Variants in CACNA1C observed in about 807,000 individuals in gnomAD.
The protein encoded by CACNA1C is voltage-dependent L-type calcium channel subunit alpha-1C.
In CACNA1C, 30 loss-of-function variants were observed where a neutral mutation model predicts 229.0. That is an observed-to-expected ratio of 0.13 (90% CI 0.10 to 0.18). CACNA1C has a LOEUF of 0.18. Among genes scored for constraint, CACNA1C ranks in the 10% least tolerant of loss-of-function variants. CACNA1C has a pLI of 1.00. For synonymous variants in CACNA1C, 1,114 were observed against 1,132.5 expected (o/e 0.98, Z 0.33); for missense variants, 1,658 against 2,845.0 (o/e 0.58, Z 9.49).
intron 9 of CACNA1C, among the ~76,000 whole-genome samples, chr12:2,540,595 A>G (rs2099867381): frequency 1.3e-5 from 2 of 152,290 alleles, no homozygotes; most frequent in South Asian, 4.1e-4. Context: ...CAGCACACAC[A>G]GGGCACGGCA....
intron 3 of CACNA1C, among the ~76,000 whole-genome samples, chr12:2,231,349 C>T (rs2065065412): frequency 6.6e-6 from 1 of 152,184 alleles, no homozygotes. Context: ...TCACTTAAGC[C>T]ATTCCGTTCT....
At position 2,668,983 on chromosome 12, in the gene CACNA1C, C is replaced by T; in HGVS notation, c.4674C>T (p.Phe1558=). Residue 1558 remains phenylalanine (F), a synonymous_variant, in exon 38 of 47, where the codon TTC becomes TTT. Transcript: ENST00000399655. ...MPLNSDGTVM[F]NATLFALVRT... ...TGAACAGCGACGGGACAGTCATGTT[C>T]AATGCCACCCTGTTTGCCCTGGTCA... is the stretch of plus-strand genomic sequence containing the variant. 1 of 1,614,138 alleles carries T rather than the reference C, an allele frequency of 6.2e-7. No homozygotes were observed. Among genetic ancestry groups the T allele is most frequent in the Non-Finnish European group, 8.5e-7 (1 of 1,180,002 alleles).
upstream of CACNA1C, chr12:2,049,168 T>C (rs2051642513): frequency 6.6e-6 from 1 of 152,266 alleles, no homozygotes; most frequent in Non-Finnish European, 1.5e-5. Flanking sequence ...AGTTCATCTA[T>C]GCGGTGGTTA....
chr12:2,423,438 A>G (rs1335245812), intron 3 of CACNA1C, among the ~76,000 whole-genome samples: 2 of 152,166 alleles, frequency 1.3e-5, no homozygotes, highest in Non-Finnish European at 2.9e-5. Context: ...TTAATCTCTC[A>G]GTGTCTCAGT....
intron 9 of CACNA1C, among the ~76,000 whole-genome samples, chr12:2,517,248 C>A (rs935673260): frequency 6.6e-6 from 1 of 152,236 alleles, no homozygotes; most frequent in Non-Finnish European, 1.5e-5. Context: ...CGTTGCTCTG[C>A]AGGCTTCTTG....
intron 1 of CACNA1C, among the ~76,000 whole-genome samples, chr12:1,976,847 A>AGAGG (rs1249213701): frequency 4.7e-5 from 6 of 128,784 alleles, no homozygotes; most frequent in Non-Finnish European, 9.8e-5. Flanking sequence ...GGAAAGGGGG[A>AGAGG]GAGGGAGGGA....
chr12:2,174,762 G>A (rs993207811), intron 3 of CACNA1C, among the ~76,000 whole-genome samples: 9 of 152,138 alleles, frequency 5.9e-5, no homozygotes, highest in Admixed American at 4.6e-4. Flanking sequence ...ATAAACAGTC[G>A]ATGAACACAT....
At position 2,608,105 on chromosome 12, in the gene CACNA1C, T is replaced by G; in HGVS notation, c.3357-406T>G. On this transcript the variant is annotated intron_variant, in intron 26 of 46. Coordinates refer to ENST00000399655, the MANE Select transcript of CACNA1C (RefSeq NM_000719.7). This position sits in a 1 kb window ranked among gnomAD's most constrained non-coding sequence, Gnocchi z 4.2. ...AAGTGGATATTTGCTCTCGGAGAGA[T>G]TTATTTTACATTCCTTCTAACATTC... 1 of 162,500 alleles carries G rather than the reference T, an allele frequency of 6.2e-6. No homozygotes were observed. Among genetic ancestry groups the G allele is most frequent in the Non-Finnish European group, 1.3e-5 (1 of 74,740 alleles). The allele number at this position is 162,500 out of a possible 1,614,324, so 10.1% of individuals were successfully genotyped here.
chr12:2,526,968 T>C (rs11062255), intron 9 of CACNA1C, among the ~76,000 whole-genome samples: 6,822 of 152,270 alleles, frequency 0.045, 531 homozygotes, highest in African/African-American at 0.16. Context: ...GCTTTCTAAA[T>C]AGATACATTT....
At chr12:2,027,560 C>T (rs1157548050) in intron 1 of CACNA1C, among the ~76,000 whole-genome samples, 2 of 152,172 alleles carry the variant, frequency 1.3e-5, no homozygotes, top group Non-Finnish European at 2.9e-5. Flanking sequence ...AATTGTATAA[C>T]CTCTTCCAAG....
rs1247071974 is a variant in CACNA1C at position 2,605,030 on chromosome 12, TC to T, written c.2961-45del. The T allele has an allele frequency of 2.2e-6, 3 of 1,342,010 alleles. No individual in the cohort carries two copies. Among genetic ancestry groups the T allele is most frequent in the Non-Finnish European group, 3.2e-6 (3 of 932,612 alleles). 83.1% of individuals were successfully genotyped at this position (1,342,010 alleles called of 1,614,324 possible). A position where few individuals can be genotyped will look rare whatever the true frequency, so the allele number is the denominator to read the frequency against. On this transcript the variant is annotated intron_variant, in intron 22 of 46. Transcript: ENST00000399655. The surrounding 1 kb of genome is among the most constrained non-coding windows in gnomAD (Gnocchi z 6.2). The stretch of plus-strand genomic sequence containing the variant: ...CATTCCCTTACCACATTATTTTTGC[TC>T]CCCCCAGAAACAGGAGGAGCTTACT...
chr12:2,190,661 A>C (rs984215132), intron 3 of CACNA1C, among the ~76,000 whole-genome samples: 2 of 152,232 alleles, frequency 1.3e-5, no homozygotes, highest in African/African-American at 4.8e-5. Flanking sequence ...TACAGCCGGC[A>C]GGCGAGGAGG....
intron 1 of CACNA1C, among the ~76,000 whole-genome samples, chr12:2,043,022 A>G (rs1244147155): frequency 6.6e-6 from 1 of 152,216 alleles, no homozygotes; most frequent in Non-Finnish European, 1.5e-5. Context: ...CTGGATAATC[A>G]GTTGCAATAG....
At position 2,679,911 on chromosome 12, in the gene CACNA1C, G is replaced by C. The variant is rs2097043997; in HGVS notation, c.5444+115G>C. On this transcript the variant is annotated intron_variant, in intron 42 of 46. Transcript: ENST00000399655. The surrounding 1 kb of genome is among the most constrained non-coding windows in gnomAD (Gnocchi z 5.5). ...AGCCACTTGTCCCTCAAGCTTCCAGGAGGTTGCTGCCCCAGACTCCAGCAA... is the reference window on the plus strand; with the variant it reads ...AGCCACTTGTCCCTCAAGCTTCCAGCAGGTTGCTGCCCCAGACTCCAGCAA... 1.3e-6 allele frequency: 1 copy of C among 761,956 alleles called. No individual in the cohort carries two copies. The highest frequency in any genetic ancestry group is 2.1e-6 in the Non-Finnish European group (1 of 473,344). 47.2% of individuals were successfully genotyped at this position (761,956 alleles called of 1,614,324 possible).
At chr12:2,019,626 GAAAGAAAA>G (rs1235057696) in intron 1 of CACNA1C, among the ~76,000 whole-genome samples, 1 of 151,038 alleles carries the variant, frequency 6.6e-6, no homozygotes, top group Non-Finnish European at 1.5e-5. Flanking sequence ...GAAAAAGAAA[GAAAGAAAA>G]AGAAAATCTA....
At position 2,319,221 on chromosome 12, in the gene CACNA1C, C is replaced by T. The variant is rs1009995566; in HGVS notation, c.478-129755C>T. ...TCCCCTGCCCTGTCCTGGCAGTGTA[C>T]ATGATGAGCAGCTTACATGATGTGT... On this transcript the variant is annotated intron_variant, in intron 3 of 46. Transcript: ENST00000399655. This position sits in a 1 kb window ranked among gnomAD's most constrained non-coding sequence, Gnocchi z 4.0. Among the ~76,000 whole-genome samples the T allele has an allele frequency of 6.6e-6, 1 of 152,058 alleles. No individual in the cohort carries two copies. The highest frequency in any genetic ancestry group is 1.5e-5 in the Non-Finnish European group (1 of 67,998).
intron 4 of CACNA1C, among the ~76,000 whole-genome samples, chr12:2,452,954 C>G (rs2099391864): frequency 1.3e-5 from 2 of 152,156 alleles, no homozygotes; most frequent in South Asian, 2.1e-4. Context: ...GAAAGAAGCC[C>G]ACTCCCCCAT....
chr12:2,135,268 C>T (rs1156586661), intron 3 of CACNA1C, among the ~76,000 whole-genome samples: 2 of 145,984 alleles, frequency 1.4e-5, no homozygotes, highest in East Asian at 2.0e-4. Context: ...TCCCGTAGCT[C>T]AGAGTAATTT....
At chr12:2,092,354 C>CTGAT (rs1055525560) in intron 1 of CACNA1C, among the ~76,000 whole-genome samples, 25 of 152,320 alleles carry the variant, frequency 1.6e-4, no homozygotes, top group African/African-American at 5.5e-4. Flanking sequence ...CAGTTCAAAC[C>CTGAT]TGATAAGCTC....
Sources: gnomAD v4.1 joint callset for allele counts (sites outside exome capture counted in the v4.1 genomes callset) on GRCh38, gnomAD v4.1.1 for gene constraint, Gnocchi (gnomAD v3.1) non-coding constraint, MANE v1.5 for transcripts, NCBI Gene and HGNC (gene_info 2026-07-23, HGNC 2026-07-21) for gene names.